The following C10orf67 variants were observed in gnomAD, a reference collection of about 807,000 sequenced individuals.
C10orf67 encodes the protein uncharacterized protein C10orf67, mitochondrial.
Under a neutral mutation model 35.6 loss-of-function variants are expected in C10orf67, and 60 were observed. The observed-to-expected ratio is 1.68, with a 90% CI of 1.37 to 2.09. The LOEUF is 2.09. Ranked by LOEUF, C10orf67 falls within the 30% of genes most tolerant of loss-of-function variation. The pLI is 0.00. For synonymous variants in C10orf67, 167 were observed against 115.8 expected (o/e 1.44, Z -2.84); for missense variants, 474 against 330.2 (o/e 1.44, Z -3.38).
intron 8 of C10orf67, among the ~76,000 whole-genome samples, chr10:23,279,703 A>G (rs1415676725): frequency 2.0e-5 from 3 of 152,188 alleles, no homozygotes; most frequent in African/African-American, 4.8e-5. Flanking sequence ...CCTAGGAATC[A>G]TGGGAAGATA....
At chr10:23,322,629 A>G in intron 2 of C10orf67, 92 bp from the exon 3 acceptor site, 1 of 743,316 alleles carries the variant, frequency 1.3e-6, no homozygotes, top group South Asian at 1.8e-5. Context: ...GAGCAAAATG[A>G]TGAGAACTCA....
intron 6 of C10orf67, among the ~76,000 whole-genome samples, chr10:23,290,454 T>G (rs1843687700): frequency 6.6e-6 from 1 of 152,252 alleles, no homozygotes. Flanking sequence ...CTTTGAATAC[T>G]GCAGATTAAG....
At chr10:23,235,987 G>C (rs1564465591) in intron 13 of C10orf67, among the ~76,000 whole-genome samples, 1 of 151,772 alleles carries the variant, frequency 6.6e-6, no homozygotes, top group Non-Finnish European at 1.5e-5. Context: ...GGTGGCTCAA[G>C]CCTGTAATCC....
intron 10 of C10orf67, among the ~76,000 whole-genome samples, chr10:23,255,055 C>T (rs371151935): frequency 8.9e-4 from 135 of 152,268 alleles, no homozygotes; most frequent in African/African-American, 3.2e-3. Context: ...ATGCAAATAA[C>T]TACTTTTGAA....
intron 8 of C10orf67, among the ~76,000 whole-genome samples, chr10:23,270,725 G>A (rs1022059850): frequency 1.3e-5 from 2 of 152,240 alleles, no homozygotes; most frequent in African/African-American, 4.8e-5. Flanking sequence ...CTACAGTTTG[G>A]TTGACTCAGC....
At chr10:23,315,740 T>C (rs1844680198) in intron 4 of C10orf67, among the ~76,000 whole-genome samples, 1 of 152,158 alleles carries the variant, frequency 6.6e-6, no homozygotes, top group African/African-American at 2.4e-5. Context: ...GCCAAAAGCA[T>C]GTTTTTAAAA....
intron 10 of C10orf67, among the ~76,000 whole-genome samples, chr10:23,253,385 G>A (rs987083312): frequency 6.6e-5 from 10 of 152,128 alleles, no homozygotes; most frequent in African/African-American, 1.7e-4. Flanking sequence ...CACAATCCAC[G>A]TGAACCACCT....
At chr10:23,327,808 G>A (rs1220712501) in intron 2 of C10orf67, among the ~76,000 whole-genome samples, 4 of 151,592 alleles carry the variant, frequency 2.6e-5, no homozygotes, top group African/African-American at 9.7e-5. Context: ...CTGGGTGACA[G>A]GGCAAGACTC....
At chr10:23,336,122 G>C (rs957740631) in intron 1 of C10orf67, among the ~76,000 whole-genome samples, 4 of 152,190 alleles carry the variant, frequency 2.6e-5, no homozygotes, top group Admixed American at 1.3e-4. Context: ...GTGGCAGACA[G>C]AGGAGAGGAC....
At position 23,208,400 on chromosome 10, in the gene C10orf67, G is replaced by A. The variant is rs369124289; in HGVS notation, c.1571-4145C>T. Among the ~76,000 whole-genome samples the A allele has an allele frequency of 2.0e-3, 300 of 152,206 alleles. 1 individual carries two copies. Among genetic ancestry groups the A allele is most frequent in the South Asian group, 0.017 (81 of 4,814 alleles). ...ATCTTGGTTTCTGATTATTCTTATG[G>A]GAAAAGTGGTTATTAATATATAATT... On this transcript the variant is annotated intron_variant, in intron 15 of 15. Coordinates refer to ENST00000636213, the MANE Select transcript of C10orf67 (RefSeq NM_001371909.1).
chr10:23,204,828 C>G (rs1314112430), intron 15 of C10orf67, among the ~76,000 whole-genome samples: 1 of 152,126 alleles, frequency 6.6e-6, no homozygotes, highest in Non-Finnish European at 1.5e-5. Flanking sequence ...GAACATTTAC[C>G]TGGTGCGTAA....
downstream of C10orf67, chr10:23,202,216 A>G (rs1420781867): frequency 6.6e-6 from 1 of 152,252 alleles, no homozygotes; most frequent in Non-Finnish European, 1.5e-5. Flanking sequence ...TGTGCTAGGG[A>G]CATAGAACTC....
chr10:23,319,756 A>G (rs1844869696), intron 4 of C10orf67, among the ~76,000 whole-genome samples: 1 of 152,188 alleles, frequency 6.6e-6, no homozygotes, highest in Non-Finnish European at 1.5e-5. Flanking sequence ...GAGAAAGAAC[A>G]ACCTCCTCCA....
intron 10 of C10orf67, among the ~76,000 whole-genome samples, chr10:23,264,694 C>T (rs1229448265): frequency 2.0e-5 from 3 of 152,164 alleles, no homozygotes; most frequent in Admixed American, 2.0e-4. Flanking sequence ...GATTTAGTTC[C>T]AGCCTTGGGG....
chr10:23,225,082 T>C (rs1332464081), intron 13 of C10orf67, among the ~76,000 whole-genome samples: 1 of 151,814 alleles, frequency 6.6e-6, no homozygotes, highest in Non-Finnish European at 1.5e-5. Flanking sequence ...TTCACCAAAA[T>C]TGAAATGAAG....
At chr10:23,278,245 C>T (rs151285366) in intron 8 of C10orf67, among the ~76,000 whole-genome samples, 5 of 152,212 alleles carry the variant, frequency 3.3e-5, no homozygotes, top group African/African-American at 1.2e-4. Context: ...GATTGTAAAG[C>T]GATCCTGAGA....
intron 15 of C10orf67, among the ~76,000 whole-genome samples, chr10:23,212,442 T>C (rs1841333266): frequency 6.6e-6 from 1 of 152,198 alleles, no homozygotes; most frequent in Non-Finnish European, 1.5e-5. Context: ...TCATATTTGG[T>C]AACAGAAGCT....
At chr10:23,260,464 C>G (rs1326446523) in intron 10 of C10orf67, among the ~76,000 whole-genome samples, 2 of 152,104 alleles carry the variant, frequency 1.3e-5, no homozygotes, top group African/African-American at 2.4e-5. Context: ...ATAAAAGTGT[C>G]AAATGCAAAT....
At chr10:23,343,462 G>A (rs927007089) in intron 1 of C10orf67, among the ~76,000 whole-genome samples, 1 of 152,182 alleles carries the variant, frequency 6.6e-6, no homozygotes, top group African/African-American at 2.4e-5. Context: ...ACAAATTCCT[G>A]TTGCTTATAA....
Sources: allele counts gnomAD v4.1 joint callset (sites outside exome capture counted in the v4.1 genomes callset), GRCh38; gene constraint gnomAD v4.1.1; transcripts MANE v1.5; gene names NCBI Gene and HGNC (gene_info 2026-07-23, HGNC 2026-07-21).